ROBO2: variants seen among roughly 807,000 people sequenced by gnomAD.
The protein encoded by ROBO2 is roundabout homolog 2.
Under a neutral mutation model 160.8 loss-of-function variants are expected in ROBO2, and 53 were observed. That is an observed-to-expected ratio of 0.33 (90% CI 0.26 to 0.41). ROBO2 has a LOEUF of 0.41. ROBO2 is among the 10% of genes least tolerant of loss of function. The probability of loss-of-function intolerance (pLI) is 1.00; values close to 1 mark genes in which losing one functional copy is unlikely to be tolerated. For missense variants in ROBO2, 1,577 were observed against 1,722.4 expected (o/e 0.92, Z 1.49); for synonymous variants, 664 against 611.7 (o/e 1.09, Z -1.26).
intron 7 of ROBO2, among the ~76,000 whole-genome samples, chr3:77,550,270 C>T (rs1288086106): frequency 6.6e-6 from 1 of 152,012 alleles, no homozygotes; most frequent in Non-Finnish European, 1.5e-5. Flanking sequence ...TTCAAAGCTG[C>T]AAAAACTTTA....
intron 2 of ROBO2, among the ~76,000 whole-genome samples, chr3:76,335,622 G>T (rs1450325128): frequency 1.3e-5 from 2 of 150,926 alleles, no homozygotes; most frequent in Non-Finnish European, 2.9e-5. Context: ...CTGTCGCCCA[G>T]GCTGGAGTGC....
chr3:77,367,802 T>C (rs373922013), intron 2 of ROBO2, among the ~76,000 whole-genome samples: 1 of 152,134 alleles, frequency 6.6e-6, no homozygotes, highest in African/African-American at 2.4e-5. Context: ...AATGCTAAGA[T>C]TTGCCAATGT....
intron 16 of ROBO2, among the ~76,000 whole-genome samples, chr3:77,583,847 T>A (rs970049505): frequency 2.0e-5 from 3 of 152,180 alleles, no homozygotes; most frequent in African/African-American, 7.2e-5. Context: ...TAACCAGTGA[T>A]GTCTTAGTTT....
intron 2 of ROBO2, among the ~76,000 whole-genome samples, chr3:76,896,474 AAAT>A (rs917417520): frequency 2.0e-5 from 3 of 152,162 alleles, no homozygotes; most frequent in South Asian, 2.1e-4. Flanking sequence ...TTAGCAAGAC[AAAT>A]AATAATAAAT....
At chr3:76,737,244 A>G (rs2093728299) in intron 2 of ROBO2, among the ~76,000 whole-genome samples, 1 of 152,142 alleles carries the variant, frequency 6.6e-6, no homozygotes, top group South Asian at 2.1e-4. Flanking sequence ...TTTTATAGTA[A>G]GAAAGAGACT....
At chr3:76,421,861 C>T (rs568521731) in intron 2 of ROBO2, among the ~76,000 whole-genome samples, 1 of 152,264 alleles carries the variant, frequency 6.6e-6, no homozygotes, top group Admixed American at 6.5e-5. Flanking sequence ...CACATTTAGT[C>T]CCCAATTTTT....
intron 2 of ROBO2, among the ~76,000 whole-genome samples, chr3:76,190,307 G>A (rs1166329633): frequency 6.6e-6 from 1 of 152,078 alleles, no homozygotes; most frequent in Non-Finnish European, 1.5e-5. Flanking sequence ...GAGGTGTGTG[G>A]CAATAGTGAA....
rs2061583781 is a variant in ROBO2, at chr3:77,006,399, T to C, written c.110-91615T>C. Among the ~76,000 whole-genome samples the C allele has an allele frequency of 3.3e-5, 5 of 151,546 alleles. No individual in the cohort carries two copies. The South Asian group carries it at 8.3e-4, about 25-fold the overall frequency. ...TGAAAAGTTCTGATGTACATGCAGG[T>C]TTAGGGGAAACTAAAGGAAAGATAA... is the stretch of plus-strand genomic sequence containing the variant. On this transcript the variant is annotated intron_variant, in intron 2 of 26. Coordinates refer to the ROBO2 transcript ENST00000487694.
chr3:75,983,929 C>T (rs2065344448), intron 2 of ROBO2, among the ~76,000 whole-genome samples: 1 of 151,452 alleles, frequency 6.6e-6, no homozygotes, highest in Non-Finnish European at 1.5e-5. Context: ...GCTGATTAGA[C>T]ACAATCACTC....
At chr3:75,946,069 G>T (rs1948278756) in intron 2 of ROBO2, among the ~76,000 whole-genome samples, 1 of 152,094 alleles carries the variant, frequency 6.6e-6, no homozygotes, top group East Asian at 1.9e-4. Context: ...TTGGAAAGAC[G>T]GTGTTTCCTT....
intron 24 of ROBO2, among the ~76,000 whole-genome samples, chr3:77,640,240 T>C (rs1193643278): frequency 1.3e-5 from 2 of 150,774 alleles, no homozygotes; most frequent in Admixed American, 6.6e-5. Flanking sequence ...GCCTCCCGAG[T>C]AGCTGGGACT....
chr3:76,186,909 T>G (rs1206258112), intron 2 of ROBO2, among the ~76,000 whole-genome samples: 1 of 151,992 alleles, frequency 6.6e-6, no homozygotes. Context: ...TGTTTGACAG[T>G]GAATCCTTAC....
intron 2 of ROBO2, among the ~76,000 whole-genome samples, chr3:77,212,400 G>C (rs942208015): frequency 3.3e-5 from 5 of 152,170 alleles, no homozygotes; most frequent in Non-Finnish European, 7.3e-5. Context: ...GTATAAGAAT[G>C]CTTGTGATTT....
chr3:76,923,758 G>T (rs1448934138), intron 2 of ROBO2, among the ~76,000 whole-genome samples: 1 of 152,226 alleles, frequency 6.6e-6, no homozygotes, highest in African/African-American at 2.4e-5. Context: ...AAACTGAGCA[G>T]TTGTGCTACT....
At chr3:77,153,531 A>G (rs2077715604) in intron 2 of ROBO2, among the ~76,000 whole-genome samples, 1 of 152,104 alleles carries the variant, frequency 6.6e-6, no homozygotes, top group Non-Finnish European at 1.5e-5. Context: ...TGAATTTTCG[A>G]CCAATGCTGA....
chr3:77,289,371 A>G (rs1246351593), intron 2 of ROBO2, among the ~76,000 whole-genome samples: 1 of 152,024 alleles, frequency 6.6e-6, no homozygotes, highest in East Asian at 1.9e-4. Context: ...AGCTGAGACT[A>G]GATCACCCCA....
At position 77,146,953 on chromosome 3, in the gene ROBO2, C is replaced by T. The variant is rs182078330; in HGVS notation, c.388+48613C>T. 8.1e-3 allele frequency among the ~76,000 whole-genome samples: 1,233 copies of T among 152,042 alleles called. 9 individuals carry two copies. The highest frequency in any genetic ancestry group is 0.012 in the Non-Finnish European group (835 of 68,004). On this transcript the variant is annotated intron_variant, in intron 2 of 25. Transcript: ENST00000461745. ...CTGCACTCCAACCTGGGTGACAGAG[C>T]GAGACTCTGTCTCAAAAAACAAAAA... is the stretch of plus-strand genomic sequence containing the variant.
intron 2 of ROBO2, among the ~76,000 whole-genome samples, chr3:76,790,217 T>C (rs2063267613): frequency 6.6e-6 from 1 of 151,632 alleles, no homozygotes; most frequent in South Asian, 2.1e-4. Context: ...TTCCTCTACA[T>C]CTCCTCAGTA....
chr3:76,848,340 A>G (rs1433055979), intron 2 of ROBO2, among the ~76,000 whole-genome samples: 2 of 152,160 alleles, frequency 1.3e-5, no homozygotes, highest in African/African-American at 4.8e-5. Context: ...GGGTTGGCCA[A>G]CTTGATTTGT....
Sources: gnomAD v4.1 joint callset for allele counts (sites outside exome capture counted in the v4.1 genomes callset) on GRCh38, gnomAD v4.1.1 for gene constraint, MANE v1.5 for transcripts, NCBI Gene and HGNC (gene_info 2026-07-23, HGNC 2026-07-21) for gene names.